ZNF704: variants seen among roughly 807,000 people sequenced by gnomAD.
ZNF704 encodes glucocorticoid induced gene 1.
In ZNF704, 10 loss-of-function variants were observed where a neutral mutation model predicts 44.7. That is an observed-to-expected ratio of 0.22 (90% CI 0.14 to 0.38). The LOEUF is 0.38. ZNF704 is among the 10% of genes least tolerant of loss of function. The pLI is 1.00. For missense variants in ZNF704, 390 were observed against 545.5 expected, an observed-to-expected ratio of 0.71 and a Z score of 2.84; for synonymous variants, 211 against 207.6, an observed-to-expected ratio of 1.02 and a Z score of -0.14.
At chr8:80,670,154 GTACTT>G (rs1818257095) in intron 5 of ZNF704, among the ~76,000 whole-genome samples, 1 of 152,058 alleles carries the variant, frequency 6.6e-6, no homozygotes, top group Non-Finnish European at 1.5e-5. Context: ...CTAGTGTTTT[GTACTT>G]TAAAGTCTCT....
intron 1 of ZNF704, among the ~76,000 whole-genome samples, chr8:80,873,079 G>C (rs996858160): frequency 2.0e-5 from 3 of 152,192 alleles, no homozygotes; most frequent in African/African-American, 4.8e-5. Context: ...CTGAGAGATT[G>C]ACAAGAAACA....
At chr8:80,853,905 G>A (rs571575216) in intron 1 of ZNF704, among the ~76,000 whole-genome samples, 1 of 152,114 alleles carries the variant, frequency 6.6e-6, no homozygotes, top group Non-Finnish European at 1.5e-5. Flanking sequence ...AGGTTAACGG[G>A]AGTAAACAAA....
intron 1 of ZNF704, among the ~76,000 whole-genome samples, chr8:80,866,723 G>C (rs532100817): frequency 2.0e-5 from 3 of 150,102 alleles, no homozygotes; most frequent in East Asian, 1.9e-4. Context: ...TGCGGGGTTG[G>C]GGGGGGGATA....
intron 7 of ZNF704, among the ~76,000 whole-genome samples, chr8:80,656,172 T>A (rs1435397202): frequency 6.6e-6 from 1 of 152,084 alleles, no homozygotes; most frequent in Non-Finnish European, 1.5e-5. Context: ...GTGCTTGTGC[T>A]CTCTCTCTCG....
chr8:80,823,054 C>G (rs1396062911), intron 1 of ZNF704, among the ~76,000 whole-genome samples: 1 of 152,176 alleles, frequency 6.6e-6, no homozygotes, highest in Non-Finnish European at 1.5e-5. Context: ...GCATTGCCAA[C>G]TGAGGTACCA....
intron 1 of ZNF704, among the ~76,000 whole-genome samples, chr8:80,825,246 G>C (rs1398980703): frequency 6.7e-6 from 1 of 150,202 alleles, no homozygotes; most frequent in Non-Finnish European, 1.5e-5. Flanking sequence ...CAAGCAAATG[G>C]AAAACAAAAA....
At chr8:80,826,022 G>A (rs1028042442) in intron 1 of ZNF704, among the ~76,000 whole-genome samples, 5 of 152,004 alleles carry the variant, frequency 3.3e-5, no homozygotes, top group African/African-American at 1.2e-4. Context: ...AAGAACTAGA[G>A]AAGCAAGAGC....
At chr8:80,667,224 C>T (rs1039096575) in intron 5 of ZNF704, among the ~76,000 whole-genome samples, 5 of 152,186 alleles carry the variant, frequency 3.3e-5, no homozygotes, top group Non-Finnish European at 7.3e-5. Context: ...CAAGGTCATC[C>T]AGGGCCTGCA....
At position 80,729,882 on chromosome 8, in the gene ZNF704, C is replaced by T. The variant is rs192974951; in HGVS notation, c.222-36775G>A. ...AAGGTGAATAGAGTTTGATTACTGC[C>T]GGAACCCCCCTGAGCCAGGATCAAA... On this transcript the variant is annotated intron_variant, in intron 2 of 8. Coordinates refer to ENST00000327835, the MANE Select transcript of ZNF704 (RefSeq NM_001033723.3). 9.2e-5 allele frequency among the ~76,000 whole-genome samples: 14 copies of T among 152,220 alleles called. No individual in the cohort carries two copies. The South Asian group carries it at 1.2e-3, about 14-fold the overall frequency.
intron 1 of ZNF704, among the ~76,000 whole-genome samples, chr8:80,836,418 A>C (rs1808583565): frequency 6.6e-6 from 1 of 151,964 alleles, no homozygotes; most frequent in South Asian, 2.1e-4. Context: ...CTGACCACTC[A>C]ATTTAAAATT....
chr8:80,879,038 A>G (rs1225978252), upstream of ZNF704, among the ~76,000 whole-genome samples: 1 of 152,170 alleles, frequency 6.6e-6, no homozygotes, highest in Non-Finnish European at 1.5e-5. Context: ...TTAGCCATGG[A>G]ACACTAGTTA....
intron 2 of ZNF704, among the ~76,000 whole-genome samples, chr8:80,750,122 C>A (rs1806916345): frequency 6.6e-6 from 1 of 152,134 alleles, no homozygotes; most frequent in South Asian, 2.1e-4. Flanking sequence ...GATATTCCTG[C>A]CTGCTCAGCC....
intron 1 of ZNF704, among the ~76,000 whole-genome samples, chr8:80,847,590 A>T (rs1808788165): frequency 6.6e-6 from 1 of 152,226 alleles, no homozygotes; most frequent in South Asian, 2.1e-4. Context: ...TACAGCTACC[A>T]TAACTCAAGA....
At chr8:80,741,707 A>G (rs548578972) in intron 2 of ZNF704, among the ~76,000 whole-genome samples, 2 of 152,290 alleles carry the variant, frequency 1.3e-5, no homozygotes, top group South Asian at 4.1e-4. Flanking sequence ...GATAGAACAT[A>G]ACTGTCAACA....
At position 80,638,329 on chromosome 8, in the gene ZNF704, C is replaced by G. The variant is rs1817691915; in HGVS notation, c.*3037G>C. On this transcript the variant is annotated 3_prime_UTR_variant, in exon 9 of 9. Coordinates refer to ENST00000327835, the MANE Select transcript of ZNF704 (RefSeq NM_001033723.3). ...AAAAAAATCAAAAGGCTACATCATG[C>G]CTTACTTAGAAATATTTTGGGACCA... The G allele has an allele frequency of 6.6e-6, 1 of 152,260 alleles. No individual in the cohort carries two copies. Among genetic ancestry groups the G allele is most frequent in the Non-Finnish European group, 1.5e-5 (1 of 68,022 alleles). The allele number at this position is 152,260 out of a possible 1,614,324, so 9.4% of individuals were successfully genotyped here. A position where few individuals can be genotyped will look rare whatever the true frequency, so the allele number is the denominator to read the frequency against.
At chr8:80,799,942 T>C (rs1209583898) in intron 2 of ZNF704, among the ~76,000 whole-genome samples, 3 of 152,082 alleles carry the variant, frequency 2.0e-5, no homozygotes, top group Admixed American at 1.3e-4. Flanking sequence ...CAGGAGCTGA[T>C]AGCCAGAATA....
chr8:80,667,093 A>C (rs1373435714), intron 5 of ZNF704, among the ~76,000 whole-genome samples: 1 of 152,172 alleles, frequency 6.6e-6, no homozygotes, highest in Non-Finnish European at 1.5e-5. Flanking sequence ...TGGCACCCGC[A>C]GTGAGAACAC....
intron 2 of ZNF704, among the ~76,000 whole-genome samples, chr8:80,813,406 G>T (rs1192112953): frequency 6.6e-6 from 1 of 152,154 alleles, no homozygotes; most frequent in African/African-American, 2.4e-5. Context: ...TAGCACTAAT[G>T]TGTGCTTATA....
At chr8:80,710,874 A>C (rs1480888749) in intron 2 of ZNF704, among the ~76,000 whole-genome samples, 2 of 152,320 alleles carry the variant, frequency 1.3e-5, no homozygotes, top group Non-Finnish European at 2.9e-5. Flanking sequence ...ATTTGCTTGC[A>C]ATCAGCTTTC....
Sources: gnomAD v4.1 joint callset for allele counts (sites outside exome capture counted in the v4.1 genomes callset) on GRCh38, gnomAD v4.1.1 for gene constraint, MANE v1.5 for transcripts, NCBI Gene and HGNC (gene_info 2026-07-23, HGNC 2026-07-21) for gene names.